The following KIAA0930 variants were observed in gnomAD, a reference collection of about 807,000 sequenced individuals.
KIAA0930 encodes uncharacterized protein KIAA0930.
In KIAA0930, 24 loss-of-function variants were observed where a neutral mutation model predicts 43.9. The ratio of observed to expected loss-of-function variants is 0.55; its 90% CI spans 0.40 to 0.77. The LOEUF is 0.77. Among genes scored for constraint, KIAA0930 ranks in the 30% least tolerant of loss-of-function variants. KIAA0930 has a pLI of 0.00. For synonymous variants in KIAA0930, 259 were observed against 216.4 expected, an observed-to-expected ratio of 1.20 and a Z score of -1.73; for missense variants, 461 against 574.2, an observed-to-expected ratio of 0.80 and a Z score of 2.02.
intron 2 of KIAA0930, among the ~76,000 whole-genome samples, chr22:45,210,892 A>G (rs954343537): frequency 1.3e-5 from 2 of 149,680 alleles, no homozygotes; most frequent in African/African-American, 2.5e-5. Context: ...GGCCCTTCAG[A>G]CACTGCACCC....
chr22:45,197,483 G>A (rs1368218411), intron 9 of KIAA0930, among the ~76,000 whole-genome samples: 1 of 152,178 alleles, frequency 6.6e-6, no homozygotes, highest in Admixed American at 6.5e-5. Context: ...GCTGCTGCAG[G>A]CCTGGGTCAG....
intron 1 of KIAA0930, among the ~76,000 whole-genome samples, chr22:45,240,323 A>C (rs918124677): frequency 6.6e-6 from 1 of 152,170 alleles, no homozygotes; most frequent in African/African-American, 2.4e-5. Flanking sequence ...CTGGAGAAGG[A>C]AGAAGACCCG....
In KIAA0930 at chr22:45,199,986, G is replaced by T; in HGVS notation, c.902C>A (p.Ala301Asp). ...PPTPERNNRP[A>D]FFSPSLKRKV... is the part of the protein sequence containing the mutation. ...CCTCTTGAGGGATGGGGAGAAGAAGGCAGGCCGGTTGTTCCGTTCTGGGGT... is the reference window on the plus strand; with the variant it reads ...CCTCTTGAGGGATGGGGAGAAGAAGTCAGGCCGGTTGTTCCGTTCTGGGGT... The change falls in exon 8 of 10, where the codon GCC becomes GAC. Residue 301 changes from alanine (A) to aspartate (D), a missense_variant. Ala to Asp is a moderately radical substitution (Grantham distance 126, BLOSUM62 -2). Coordinates refer to ENST00000336156, the MANE Select transcript of KIAA0930 (RefSeq NM_001009880.2). 6.2e-7 allele frequency: 1 copy of T among 1,608,778 alleles called. No homozygotes were observed. Among genetic ancestry groups the T allele is most frequent in the Non-Finnish European group, 8.5e-7 (1 of 1,177,460 alleles).
intron 2 of KIAA0930, among the ~76,000 whole-genome samples, chr22:45,209,250 G>A (rs1361390976): frequency 1.3e-5 from 2 of 152,154 alleles, no homozygotes; most frequent in Non-Finnish European, 2.9e-5. Context: ...CCAGGCTCCC[G>A]CAGAGGACTT....
intron 1 of KIAA0930, among the ~76,000 whole-genome samples, chr22:45,235,597 C>T (rs1216512545): frequency 6.6e-6 from 1 of 150,784 alleles, no homozygotes; most frequent in Non-Finnish European, 1.5e-5. Flanking sequence ...GCCCGAGCGT[C>T]GGGGCATAAA....
chr22:45,214,382 CAT>C (rs989875163), intron 1 of KIAA0930, among the ~76,000 whole-genome samples: 129 of 152,268 alleles, frequency 8.5e-4, no homozygotes, highest in African/African-American at 2.7e-3. Context: ...AGAATGCACA[CAT>C]GTCACAATAA....
chr22:45,205,475 C>T (rs149250685), intron 4 of KIAA0930, among the ~76,000 whole-genome samples, 155 bp downstream of exon 4: 53 of 152,274 alleles, frequency 3.5e-4, no homozygotes, highest in Middle Eastern at 3.4e-3. Context: ...CTGTGCTCCT[C>T]GAATGGGATA....
intron 7 of KIAA0930, 166 bp from the exon 8 acceptor site, chr22:45,200,201 G>GA: frequency 1.7e-6 from 1 of 584,254 alleles, no homozygotes; most frequent in Non-Finnish European, 2.8e-6. Flanking sequence ...GTGGGGCCTA[G>GA]AGACTGGAAG....
intron 7 of KIAA0930, 180 bp from the exon 8 acceptor site, chr22:45,200,215 C>A (rs545328466): frequency 3.8e-6 from 2 of 524,178 alleles, no homozygotes; most frequent in Admixed American, 8.0e-5. Flanking sequence ...CTGGAAGATG[C>A]GTTCCAGCCC....
At chr22:45,228,438 G>A (rs1186874183) in intron 1 of KIAA0930, among the ~76,000 whole-genome samples, 1 of 152,118 alleles carries the variant, frequency 6.6e-6, no homozygotes, top group South Asian at 2.1e-4. Flanking sequence ...TCCATGACAC[G>A]CTCTGAGGCT....
intron 1 of KIAA0930, among the ~76,000 whole-genome samples, chr22:45,221,337 G>A (rs1268129931): frequency 2.6e-5 from 4 of 152,194 alleles, no homozygotes; most frequent in South Asian, 2.1e-4. Context: ...ATGGCAGTAC[G>A]TAAAGAAATG....
At chr22:45,198,494 TCCCTGACCCAGGCCAGGGCCTTGAGC>T (rs2083557312) in intron 8 of KIAA0930, among the ~76,000 whole-genome samples, 1 of 152,030 alleles carries the variant, frequency 6.6e-6, no homozygotes. Context: ...AGTGCTGGAG[TCCCTGACCCAGGCCAGGGCCTTGAGC>T]AGGTGGGACA....
intron 1 of KIAA0930, among the ~76,000 whole-genome samples, chr22:45,228,038 C>T (rs1250594445): frequency 2.0e-5 from 3 of 152,202 alleles, no homozygotes; most frequent in Non-Finnish European, 2.9e-5. Flanking sequence ...AATCCGTGGG[C>T]TGGCAGGAGG....
intron 1 of KIAA0930, among the ~76,000 whole-genome samples, chr22:45,220,945 G>C (rs1569080748): frequency 1.3e-5 from 2 of 151,454 alleles, no homozygotes; most frequent in East Asian, 3.9e-4. Flanking sequence ...CCCCATCCTG[G>C]CCTGTATCAC....
intron 1 of KIAA0930, among the ~76,000 whole-genome samples, chr22:45,226,578 A>G (rs2083802360): frequency 6.6e-6 from 1 of 151,846 alleles, no homozygotes; most frequent in East Asian, 1.9e-4. Flanking sequence ...CAGTTTCAAT[A>G]TCTCCTAAGC....
chr22:45,224,729 G>A (rs889372930), intron 1 of KIAA0930, among the ~76,000 whole-genome samples: 2 of 152,162 alleles, frequency 1.3e-5, no homozygotes, highest in African/African-American at 4.8e-5. Flanking sequence ...AGGAAAACTA[G>A]GAATCAAGCA....
intron 1 of KIAA0930, among the ~76,000 whole-genome samples, chr22:45,224,079 A>G (rs565131965): frequency 1.9e-4 from 29 of 152,234 alleles, no homozygotes; most frequent in Non-Finnish European, 2.6e-4. Flanking sequence ...TTGTACCCTG[A>G]GCACGTTTAC....
intron 2 of KIAA0930, among the ~76,000 whole-genome samples, chr22:45,208,172 C>T (rs898073564): frequency 2.0e-5 from 3 of 152,200 alleles, no homozygotes; most frequent in East Asian, 3.9e-4. Flanking sequence ...ATGGTACACT[C>T]TGCAGGCATT....
At chr22:45,205,598 A>G (rs777450782) in intron 4 of KIAA0930, 32 bp downstream of exon 4, 3 of 1,600,580 alleles carry the variant, frequency 1.9e-6, no homozygotes, top group Non-Finnish European at 2.6e-6. Flanking sequence ...ACTGGCAGTT[A>G]GGAGGCTGGG....
Sources: allele counts gnomAD v4.1 joint callset (sites outside exome capture counted in the v4.1 genomes callset), GRCh38; gene constraint gnomAD v4.1.1; transcripts MANE v1.5; gene names NCBI Gene and HGNC (gene_info 2026-07-23, HGNC 2026-07-21).